Variants in P4HB observed in about 807,000 individuals in gnomAD.
P4HB encodes the protein prolyl 4-hydroxylase subunit beta, also known as protein disulfide-isomerase.
P4HB carries 20 observed loss-of-function variants against 52.6 expected under a neutral mutation model. That is an observed-to-expected ratio of 0.38 (90% CI 0.27 to 0.55). P4HB has a LOEUF of 0.55. Ranked by LOEUF, P4HB falls within the 20% of genes least tolerant of loss-of-function variation. P4HB has a pLI of 0.74. For missense variants in P4HB, 601 were observed against 669.2 expected (o/e 0.90, Z 1.12); for synonymous variants, 296 against 277.9 (o/e 1.07, Z -0.65).
In P4HB at chr17:81,855,868, T is replaced by C. The variant is rs888053322; in HGVS notation, c.353-282A>G. 2 of 379,866 alleles carry C rather than the reference T, an allele frequency of 5.3e-6. No individual in the cohort carries two copies. Among genetic ancestry groups the C allele is most frequent in the Middle Eastern group, 1.4e-3 (2 of 1,464 alleles). The allele number at this position is 379,866 out of a possible 1,614,324, so 23.5% of individuals were successfully genotyped here. ...ACCCATTTTTTTTCTCTGATCTCTCTGCATTTTCTTTTTTCTTTTGACACA... is the reference window on the plus strand; with the variant it reads ...ACCCATTTTTTTTCTCTGATCTCTCCGCATTTTCTTTTTTCTTTTGACACA... On this transcript the variant is annotated intron_variant, in intron 2 of 10. Coordinates refer to ENST00000331483, the MANE Select transcript of P4HB (RefSeq NM_000918.4). The surrounding 1 kb of genome is among the most constrained non-coding windows in gnomAD (Gnocchi z 4.3).
intron 4 of P4HB, 173 bp from the exon 5 acceptor site, chr17:81,847,520 A>ACTGGCT: frequency 1.6e-6 from 1 of 634,812 alleles, no homozygotes; most frequent in East Asian, 2.7e-5. Context: ...CGACAGTAAG[A>ACTGGCT]CTGGCTCTGG....
At chr17:81,859,725 G>A (rs1247208496) in intron 1 of P4HB, 1 of 348,990 alleles carries the variant, frequency 2.9e-6, no homozygotes. Flanking sequence ...TTCCCTTTAA[G>A]ACTACAGACA....
intron 4 of P4HB, among the ~76,000 whole-genome samples, chr17:81,852,772 C>T (rs2038852281): frequency 6.6e-6 from 1 of 152,264 alleles, no homozygotes; most frequent in East Asian, 1.9e-4. Context: ...TCCCAGCCTT[C>T]GCGGACACAT....
rs756044689 is a variant in P4HB at position 81,847,032 on chromosome 17, ATG to A, written c.768_769del (p.Ile257ProfsTer10). The A allele has an allele frequency of 6.2e-7, 1 of 1,614,042 alleles. No individual in the cohort carries two copies. The highest frequency in any genetic ancestry group is 8.5e-7 in the Non-Finnish European group (1 of 1,179,986). ...CACACTCTTGGGCAAGAACAGCAGG[ATG>A]TGAGTCTTGATTTCACCTCCAAAAA... On this transcript the variant is annotated frameshift_variant, in exon 6 of 11. Coordinates refer to ENST00000331483, the MANE Select transcript of P4HB (RefSeq NM_000918.4). LOFTEE classifies it high-confidence loss of function.
In P4HB at chr17:81,860,491, G is replaced by C; in HGVS notation, c.-20C>G. 6 of 1,253,702 alleles carry C rather than the reference G, an allele frequency of 4.8e-6. No homozygotes were observed. The highest frequency in any genetic ancestry group is 6.0e-6 in the Non-Finnish European group (6 of 996,896). 77.7% of individuals were successfully genotyped at this position (1,253,702 alleles called of 1,614,324 possible). The stretch of plus-strand genomic sequence containing the variant: ...CAGCATGTCGGACACGGATCAGGCG[G>C]GGCGCTTCGGTTGGCGCCGCCGGGA... On this transcript the variant is annotated 5_prime_UTR_variant, in exon 1 of 11. Coordinates refer to ENST00000331483, the MANE Select transcript of P4HB (RefSeq NM_000918.4).
At chr17:81,844,276 G>C (rs745425968) in intron 10 of P4HB, among the ~76,000 whole-genome samples, 184 bp from the exon 11 acceptor site, 1 of 152,208 alleles carries the variant, frequency 6.6e-6, no homozygotes, top group African/African-American at 2.4e-5. Context: ...GAAGAGTGAC[G>C]CCTGGGGGAT....
chr17:81,848,765 C>T (rs1306884016), intron 4 of P4HB, among the ~76,000 whole-genome samples: 1 of 124,756 alleles, frequency 8.0e-6, no homozygotes, highest in Non-Finnish European at 1.6e-5. Context: ...AAAAAAAAGG[C>T]CAGGTGCAGT....
In P4HB at chr17:81,843,382, G is replaced by A. The variant is rs1223642792; in HGVS notation, c.*630C>T. 5.0e-6 allele frequency: 2 copies of A among 397,806 alleles called. No individual in the cohort carries two copies. Among genetic ancestry groups the A allele is most frequent in the Non-Finnish European group, 8.8e-6 (2 of 226,228 alleles). The allele number at this position is 397,806 out of a possible 1,614,324, so 24.6% of individuals were successfully genotyped here. ...GACAGGAGGAGGAGCCCTGGCTTGA[G>A]GGAAGGGGAAGGCCCAGGCCTGTGC... is the stretch of plus-strand genomic sequence containing the variant. On this transcript the variant is annotated 3_prime_UTR_variant, in exon 11 of 11. Coordinates refer to ENST00000331483, the MANE Select transcript of P4HB (RefSeq NM_000918.4).
chr17:81,846,844 C>T lies in P4HB; in HGVS notation c.855+103G>A. On this transcript the variant is annotated intron_variant, in intron 6 of 10. Transcript: ENST00000331483. The surrounding 1 kb of genome is among the most constrained non-coding windows in gnomAD (Gnocchi z 5.7). ...GCTGTCCTGAATCAGGTGCCCGATC[C>T]AGTCCAGCAGGCAGCCTCAGGAAGG... 2.1e-6 allele frequency: 3 copies of T among 1,451,056 alleles called. No homozygotes were observed. The highest frequency in any genetic ancestry group is 2.9e-6 in the Non-Finnish European group (3 of 1,049,418). The allele number at this position is 1,451,056 out of a possible 1,614,324, so 89.9% of individuals were successfully genotyped here.
At chr17:81,857,857 C>T (rs867748250) in intron 2 of P4HB, among the ~76,000 whole-genome samples, 4 of 152,178 alleles carry the variant, frequency 2.6e-5, no homozygotes, top group African/African-American at 2.4e-5. Context: ...AGAAGGATTC[C>T]ACCAGTGCTA....
In P4HB at chr17:81,843,306, A is replaced by C; in HGVS notation, c.*706T>G. On this transcript the variant is annotated 3_prime_UTR_variant, in exon 11 of 11. Transcript: ENST00000331483. The stretch of plus-strand genomic sequence containing the variant: ...AGTCAAGGGTCGTGGTTCTGCCTTG[A>C]ACAGGCCACAGGCCGTGCTGTAGAG... 2.5e-6 allele frequency: 1 copy of C among 394,906 alleles called. No individual in the cohort carries two copies. The allele number at this position is 394,906 out of a possible 1,614,324, so 24.5% of individuals were successfully genotyped here. A position where few individuals can be genotyped will look rare whatever the true frequency, so the allele number is the denominator to read the frequency against.
intron 8 of P4HB, 25 bp downstream of exon 8, chr17:81,845,846 G>C: frequency 6.2e-7 from 1 of 1,614,022 alleles, no homozygotes; most frequent in Non-Finnish European, 8.5e-7. Flanking sequence ...GCACGGACCT[G>C]GGGAGCTGAA....
At chr17:81,858,522 G>T (rs910896180) in intron 2 of P4HB, among the ~76,000 whole-genome samples, 4 of 152,152 alleles carry the variant, frequency 2.6e-5, no homozygotes, top group Non-Finnish European at 5.9e-5. Context: ...CCACAGAACC[G>T]GTTTTATAGA....
chr17:81,859,744 G>A (rs1422018454), intron 1 of P4HB: 12 of 322,422 alleles, frequency 3.7e-5, no homozygotes, highest in South Asian at 2.6e-4. Flanking sequence ...CAAAAGTGAA[G>A]AAGTGACCGT....
At chr17:81,854,543 C>CAA (rs201912042) in intron 4 of P4HB, among the ~76,000 whole-genome samples, 2 of 119,366 alleles carry the variant, frequency 1.7e-5, no homozygotes, top group Non-Finnish European at 3.5e-5. Flanking sequence ...AACCCTATCT[C>CAA]AAAAAAAAAA....
Position 81,845,570 on chromosome 17 carries a change from G to A in P4HB, c.1350C>T (p.Ala450=), listed in dbSNP as rs199835566. 60 of 1,601,170 alleles carry A rather than the reference G, an allele frequency of 3.7e-5. 1 individual carries two copies. In the South Asian group the frequency reaches 4.9e-4, roughly 13 times the overall value. ...TGGAGGGAAGGCGCACCGTCCTGTC[G>A]GCACTGGCAGGAAAGAACTTGAGTG... ...FPTLKFFPAS[A]DRTVIDYNGE... Residue 450 remains alanine, a synonymous_variant, in exon 9 of 11, where the codon GCC becomes GCT. Coordinates refer to ENST00000331483, the MANE Select transcript of P4HB (RefSeq NM_000918.4).
Position 81,846,183 on chromosome 17 carries a change from G to A in P4HB, c.1057-192C>T, listed in dbSNP as rs1598263682. Among the ~76,000 whole-genome samples, 1 of 152,232 alleles carries A rather than the reference G, an allele frequency of 6.6e-6. No homozygotes were observed. Among genetic ancestry groups the A allele is most frequent in the African/African-American group, 2.4e-5 (1 of 41,466 alleles). On this transcript the variant is annotated intron_variant, in intron 7 of 10. Transcript: ENST00000331483. The surrounding 1 kb of genome is among the most constrained non-coding windows in gnomAD (Gnocchi z 5.7). Reference sequence around the variant, plus strand: ...AGTGGGCTGGGCCCAATGAGCCCACGCAGGCCGCACCCTCGCCGGCCAGGA... The same window carrying A: ...AGTGGGCTGGGCCCAATGAGCCCACACAGGCCGCACCCTCGCCGGCCAGGA...
At chr17:81,844,320 C>G (rs952478727) in intron 10 of P4HB, among the ~76,000 whole-genome samples, 1 of 152,196 alleles carries the variant, frequency 6.6e-6, no homozygotes, top group Non-Finnish European at 1.5e-5. Flanking sequence ...AGAGCCCCCA[C>G]TGTGTCAGGA....
Position 81,844,056 on chromosome 17 carries a change from T to C in P4HB, c.1483A>G (p.Met495Val), listed in dbSNP as rs143647285. The change falls in exon 11 of 11, where the codon ATG becomes GTG. Residue 495 changes from methionine to valine, a missense_variant. Met to Val is a conservative substitution (Grantham distance 21, BLOSUM62 1). Transcript: ENST00000331483. ...EDLEEAEEPD[M>V]EEDDDQKAVK... ...GCTTTCTGATCATCGTCTTCCTCCATGTCTGGCTCCTCTGCTTCTTCCAGG... is the reference window on the plus strand; with the variant it reads ...GCTTTCTGATCATCGTCTTCCTCCACGTCTGGCTCCTCTGCTTCTTCCAGG... 38 of 1,613,730 alleles carry C rather than the reference T, an allele frequency of 2.4e-5. No individual in the cohort carries two copies. Among genetic ancestry groups the C allele is most frequent in the Non-Finnish European group, 3.1e-5 (36 of 1,179,766 alleles).
Sources: allele counts gnomAD v4.1 joint callset (sites outside exome capture counted in the v4.1 genomes callset), GRCh38; gene constraint gnomAD v4.1.1; non-coding constraint Gnocchi (gnomAD v3.1); transcripts MANE v1.5; gene names NCBI Gene and HGNC (gene_info 2026-07-23, HGNC 2026-07-21).